The following CDK14 variants were observed in gnomAD, a reference collection of about 807,000 sequenced individuals.
The protein encoded by CDK14 is cyclin dependent kinase 14.
In CDK14, 34 loss-of-function variants were observed where a neutral mutation model predicts 60.7. That is an observed-to-expected ratio of 0.56 (90% CI 0.43 to 0.75). The LOEUF (loss-of-function observed/expected upper bound fraction) is 0.75, where lower values mean the gene tolerates loss of function less well. CDK14 is among the 30% of genes least tolerant of loss of function. The pLI is 0.00. For synonymous variants in CDK14, 197 were observed against 203.7 expected (o/e 0.97, Z 0.28); for missense variants, 482 against 564.1 (o/e 0.85, Z 1.47).
chr7:90,637,918 T>G (rs1455564113), intron 2 of CDK14, among the ~76,000 whole-genome samples: 1 of 149,444 alleles, frequency 6.7e-6, no homozygotes, highest in Non-Finnish European at 1.5e-5. Flanking sequence ...TGATCTTTGT[T>G]GGTTTAAAGT....
At chr7:90,685,553 A>G (rs1801414191) in intron 2 of CDK14, among the ~76,000 whole-genome samples, 1 of 151,752 alleles carries the variant, frequency 6.6e-6, no homozygotes, top group African/African-American at 2.4e-5. Context: ...GTCATAGCTT[A>G]CTGTAGCCTC....
At chr7:91,156,164 C>T (rs952480234) in intron 14 of CDK14, among the ~76,000 whole-genome samples, 4 of 152,308 alleles carry the variant, frequency 2.6e-5, no homozygotes, top group Admixed American at 6.5e-5. Context: ...TTGCCCACTA[C>T]TGGTGTTTCC....
At chr7:90,870,852 T>C (rs1791348691) in intron 6 of CDK14, among the ~76,000 whole-genome samples, 1 of 152,206 alleles carries the variant, frequency 6.6e-6, no homozygotes, top group South Asian at 2.1e-4. Context: ...TTTTTAGACA[T>C]TAGGGTCTAA....
chr7:90,809,481 G>T (rs1789000437), intron 5 of CDK14, among the ~76,000 whole-genome samples: 3 of 151,960 alleles, frequency 2.0e-5, no homozygotes, highest in Non-Finnish European at 2.9e-5. Context: ...AGTGTGTAGA[G>T]GGAAATTTAT....
At chr7:90,989,406 C>T (rs1180452939) in intron 10 of CDK14, among the ~76,000 whole-genome samples, 3 of 152,180 alleles carry the variant, frequency 2.0e-5, no homozygotes, top group Admixed American at 6.5e-5. Flanking sequence ...CATACTACTT[C>T]AGCAGTTACT....
At chr7:90,621,611 T>C in intron 2 of CDK14, among the ~76,000 whole-genome samples, 1 of 149,204 alleles carries the variant, frequency 6.7e-6, no homozygotes, top group Admixed American at 6.8e-5. Flanking sequence ...ATTCAGACTT[T>C]TTTTCCTTCC....
intron 8 of CDK14, among the ~76,000 whole-genome samples, chr7:90,933,862 AG>A (rs1793672821): frequency 6.6e-6 from 1 of 152,274 alleles, no homozygotes; most frequent in Admixed American, 6.5e-5. Flanking sequence ...TCATGTGGAC[AG>A]CAAAGCTGGA....
chr7:90,989,981 A>C (rs889077081), intron 10 of CDK14, among the ~76,000 whole-genome samples: 1 of 152,192 alleles, frequency 6.6e-6, no homozygotes, highest in Non-Finnish European at 1.5e-5. Context: ...AGGAGACATC[A>C]GGCAGTGGTA....
Position 90,757,583 on chromosome 7 carries a change from G to T in CDK14, c.464+9808G>T, listed in dbSNP as rs955526367. Among the ~76,000 whole-genome samples, 8 of 151,566 alleles carry T rather than the reference G, an allele frequency of 5.3e-5. No homozygotes were observed. The East Asian group carries it at 1.5e-3, about 29-fold the overall frequency. ...AGGATATTTATTTGCCCCATCAAGA[G>T]ATTTGTGTAATTCTTTTTTTTTTTT... is the stretch of plus-strand genomic sequence containing the variant. On this transcript the variant is annotated intron_variant, in intron 4 of 14. Transcript: ENST00000380050.
chr7:90,931,076 TAAG>T (rs1793578564), intron 8 of CDK14, among the ~76,000 whole-genome samples: 1 of 152,206 alleles, frequency 6.6e-6, no homozygotes, highest in African/African-American at 2.4e-5. Context: ...TACAGATAAG[TAAG>T]TTTTGCTATC....
chr7:91,083,023 A>T (rs1384749956), intron 12 of CDK14, among the ~76,000 whole-genome samples: 1 of 152,144 alleles, frequency 6.6e-6, no homozygotes, highest in East Asian at 1.9e-4. Context: ...TAAAAATGTG[A>T]GAGGAAGGTA....
intron 4 of CDK14, among the ~76,000 whole-genome samples, chr7:90,779,351 C>T (rs1805208982): frequency 6.6e-6 from 1 of 152,166 alleles, no homozygotes; most frequent in African/African-American, 2.4e-5. Flanking sequence ...CTCTTGGGCT[C>T]TAGTGGTTCC....
intron 2 of CDK14, among the ~76,000 whole-genome samples, chr7:90,653,367 C>G (rs1403989418): frequency 2.0e-5 from 3 of 152,038 alleles, no homozygotes; most frequent in African/African-American, 7.2e-5. Context: ...CTATTAACAG[C>G]TATATAATCA....
intron 5 of CDK14, among the ~76,000 whole-genome samples, chr7:90,816,679 G>A (rs1172490328): frequency 1.3e-5 from 2 of 152,172 alleles, no homozygotes; most frequent in East Asian, 1.9e-4. Context: ...TATCTTCAGC[G>A]AGGGTGAGTT....
intron 14 of CDK14, among the ~76,000 whole-genome samples, chr7:91,176,231 G>C (rs1451137707): frequency 4.6e-5 from 7 of 152,140 alleles, no homozygotes; most frequent in Non-Finnish European, 7.3e-5. Flanking sequence ...ATGAAATGAA[G>C]GCATAAATAA....
chr7:91,040,762 A>G (rs1198712661), intron 10 of CDK14, among the ~76,000 whole-genome samples: 1 of 152,204 alleles, frequency 6.6e-6, no homozygotes, highest in Non-Finnish European at 1.5e-5. Context: ...AACCGTTAGC[A>G]GGTCTTGTTG....
intron 4 of CDK14, among the ~76,000 whole-genome samples, chr7:90,768,544 C>T (rs1017294341): frequency 2.0e-5 from 3 of 152,234 alleles, no homozygotes; most frequent in African/African-American, 7.2e-5. Flanking sequence ...TCTCATCTGC[C>T]ACTTTCTTAC....
intron 14 of CDK14, among the ~76,000 whole-genome samples, chr7:91,130,735 A>G (rs1292836849): frequency 6.6e-6 from 1 of 152,142 alleles, no homozygotes; most frequent in Non-Finnish European, 1.5e-5. Context: ...CCTCTTGATG[A>G]CTAGTAGACC....
At chr7:91,027,768 TC>T (rs1796617515) in intron 10 of CDK14, among the ~76,000 whole-genome samples, 3 of 1,528 alleles carry the variant, frequency 2.0e-3, no homozygotes, top group African/African-American at 7.4e-3. Flanking sequence ...GCCTCTCCTC[TC>T]CCCTCCCCTC....
Sources: gnomAD v4.1 joint callset for allele counts (sites outside exome capture counted in the v4.1 genomes callset) on GRCh38, gnomAD v4.1.1 for gene constraint, MANE v1.5 for transcripts, NCBI Gene and HGNC (gene_info 2026-07-23, HGNC 2026-07-21) for gene names.